The following TMEM245 variants were observed in gnomAD, a reference collection of about 807,000 sequenced individuals.
TMEM245 encodes the protein transmembrane protein 245, also known as protein CG-2.
A neutral mutation model predicts 101.2 loss-of-function variants in TMEM245; 69 were observed. That is an observed-to-expected ratio of 0.68 (90% confidence interval 0.56 to 0.83). The LOEUF (loss-of-function observed/expected upper bound fraction) is 0.83. Ranked by LOEUF, TMEM245 falls within the 40% of genes least tolerant of loss-of-function variation. TMEM245 has a pLI of 0.00. For synonymous variants in TMEM245, 537 were observed against 449.8 expected, an observed-to-expected ratio of 1.19 and a Z score of -2.45; for missense variants, 1,075 against 1,092.8, an observed-to-expected ratio of 0.98 and a Z score of 0.23.
At chr9:109,087,496 C>T (rs1246758213) in intron 5 of TMEM245, among the ~76,000 whole-genome samples, 154 bp from the exon 6 acceptor site, 1 of 152,160 alleles carries the variant, frequency 6.6e-6, no homozygotes, top group African/African-American at 2.4e-5. Flanking sequence ...ACTCAAAGTA[C>T]TCCCCACACA....
rs201854735 is a variant in TMEM245 at position 109,106,645 on chromosome 9, T to A, written c.698-36A>T. On this transcript the variant is annotated intron_variant, in intron 2 of 17. Coordinates refer to ENST00000374586, the MANE Select transcript of TMEM245 (RefSeq NM_032012.4). ...TTAAGAATTAACATTTTTAGTGAAA[T>A]AAAAACCTAGTACTTGTTTTTACAA... The A allele has an allele frequency of 1.2e-4, 176 of 1,489,824 alleles. 1 individual carries two copies. In the Middle Eastern group the frequency reaches 5.2e-3, roughly 44 times the overall value. 92.3% of individuals were successfully genotyped at this position (1,489,824 alleles called of 1,614,324 possible).
rs189050862 is a variant in TMEM245, at chr9:109,017,366, C to G, written c.*3094G>C. 1 of 152,260 alleles carries G rather than the reference C, an allele frequency of 6.6e-6. No individual in the cohort carries two copies. The highest frequency in any genetic ancestry group is 6.5e-5 in the Admixed American group (1 of 15,296). 9.4% of individuals were successfully genotyped at this position (152,260 alleles called of 1,614,324 possible). A position where few individuals can be genotyped will look rare whatever the true frequency, so the allele number is the denominator to read the frequency against. On this transcript the variant is annotated 3_prime_UTR_variant, in exon 18 of 18. Coordinates refer to ENST00000374586, the MANE Select transcript of TMEM245 (RefSeq NM_032012.4). Reference sequence around the variant, plus strand: ...TCAAAGAGGGTGTGAAGAAACCTTGCAATTTTAACAATAACTAAGACCAGC... The same window carrying G: ...TCAAAGAGGGTGTGAAGAAACCTTGGAATTTTAACAATAACTAAGACCAGC...
intron 10 of TMEM245, among the ~76,000 whole-genome samples, chr9:109,061,074 C>T (rs1828996913): frequency 1.3e-5 from 2 of 152,252 alleles, no homozygotes; most frequent in Middle Eastern, 3.4e-3. Context: ...TTCACACTTT[C>T]AGAGGCTGAG....
intron 17 of TMEM245, among the ~76,000 whole-genome samples, chr9:109,032,359 CT>C (rs1177093135): frequency 1.8e-5 from 1 of 54,714 alleles, no homozygotes; most frequent in African/African-American, 6.0e-5. Context: ...TGTCCTATTT[CT>C]TTTCCTTTTT....
Position 109,119,716 on chromosome 9 carries a change from G to A in TMEM245, c.198C>T (p.Cys66=), listed in dbSNP as rs1263212166. 3.2e-6 allele frequency: 5 copies of A among 1,547,618 alleles called. No individual in the cohort carries two copies. Among genetic ancestry groups the A allele is most frequent in the South Asian group, 2.4e-5 (2 of 84,000 alleles). ...NTGAVLFVCL[C]CGAAVLVYFI... ...AGTAGACCAGCACCGCGGCGCCGCA[G>A]CACAGGCACACGAACAGCACGGCCC... The change falls in exon 1 of 18, where the codon TGC becomes TGT. Residue 66 remains cysteine (C), a synonymous_variant. Coordinates refer to ENST00000374586, the MANE Select transcript of TMEM245 (RefSeq NM_032012.4).
chr9:109,023,970 G>C (rs1404964850), intron 17 of TMEM245, among the ~76,000 whole-genome samples: 1 of 151,998 alleles, frequency 6.6e-6, no homozygotes, highest in Admixed American at 6.5e-5. Flanking sequence ...GTCTCTCACT[G>C]TTCCTTGCTC....
chr9:109,048,328 T>C (rs1469262950), intron 14 of TMEM245, among the ~76,000 whole-genome samples: 1 of 152,176 alleles, frequency 6.6e-6, no homozygotes, highest in African/African-American at 2.4e-5. Context: ...TGCATCCTGT[T>C]TGAATGTAAC....
intron 9 of TMEM245, among the ~76,000 whole-genome samples, chr9:109,066,536 C>T (rs1167999844): frequency 1.4e-5 from 2 of 142,648 alleles, no homozygotes; most frequent in Non-Finnish European, 3.0e-5. Context: ...TAATAATTTA[C>T]AGTATAAGCA....
chr9:109,044,572 C>A (rs1341893970), intron 14 of TMEM245, among the ~76,000 whole-genome samples: 1 of 152,082 alleles, frequency 6.6e-6, no homozygotes, highest in African/African-American at 2.4e-5. Flanking sequence ...AGAAAGTGAG[C>A]TGGTGGGAGA....
Position 109,091,076 on chromosome 9 carries a change from T to C in TMEM245, c.996A>G (p.Ser332=), listed in dbSNP as rs1249009588. Residue 332 remains serine, a synonymous_variant, in exon 5 of 18, where the codon TCA becomes TCG. Coordinates refer to ENST00000374586, the MANE Select transcript of TMEM245 (RefSeq NM_032012.4). The part of the protein sequence containing the change: ...SPSSPSPTSP[S]PTLGRRRPEI... Reference sequence around the variant, plus strand: ...CAGGCCTTCGTCTGCCCAGAGTAGGTGAAGGGGAAGTGGGTGAAGGGGAGG... The same window carrying C: ...CAGGCCTTCGTCTGCCCAGAGTAGGCGAAGGGGAAGTGGGTGAAGGGGAGG... 6.2e-7 allele frequency: 1 copy of C among 1,613,836 alleles called. No individual in the cohort carries two copies. The highest frequency in any genetic ancestry group is 8.5e-7 in the Non-Finnish European group (1 of 1,179,956).
chr9:109,021,147 A>C (rs960063213), intron 17 of TMEM245, among the ~76,000 whole-genome samples: 2 of 152,214 alleles, frequency 1.3e-5, no homozygotes, highest in African/African-American at 4.8e-5. Flanking sequence ...GCATACATGA[A>C]GTGTCTATCT....
rs374269166 is a variant in TMEM245 at position 109,050,603 on chromosome 9, G to A, written c.1944C>T (p.Ser648=). The A allele has an allele frequency of 8.5e-5, 137 of 1,613,636 alleles. No individual in the cohort carries two copies. Among genetic ancestry groups the A allele is most frequent in the Admixed American group, 2.3e-4 (14 of 59,936 alleles). Residue 648 remains serine, a synonymous_variant, in exon 13 of 18, where the codon AGC becomes AGT. Coordinates refer to ENST00000374586, the MANE Select transcript of TMEM245 (RefSeq NM_032012.4). ...VTTLLTILFY[S]GTALLNFVLS... Reference sequence around the variant, plus strand: ...GTACAAAATTGAGAAGGGCTGTCCCGCTGTAGAAGAGGATGGTCAAGAGTG... The same window carrying A: ...GTACAAAATTGAGAAGGGCTGTCCCACTGTAGAAGAGGATGGTCAAGAGTG...
At chr9:109,061,052 T>C (rs962760634) in intron 10 of TMEM245, among the ~76,000 whole-genome samples, 7 of 152,144 alleles carry the variant, frequency 4.6e-5, no homozygotes, top group Non-Finnish European at 7.3e-5. Flanking sequence ...TATTATAATA[T>C]AAAAAACAAT....
At chr9:109,110,513 G>A (rs1395188946) in intron 1 of TMEM245, among the ~76,000 whole-genome samples, 1 of 151,932 alleles carries the variant, frequency 6.6e-6, no homozygotes, top group Non-Finnish European at 1.5e-5. Context: ...AAGCTGCTCA[G>A]ATTTTCACAA....
chr9:109,086,324 C>T (rs536236267), intron 6 of TMEM245, among the ~76,000 whole-genome samples: 1 of 152,202 alleles, frequency 6.6e-6, no homozygotes, highest in Non-Finnish European at 1.5e-5. Flanking sequence ...CTTTGCACTG[C>T]TCCGTCTGCT....
At chr9:109,097,325 G>C (rs1268952210) in intron 3 of TMEM245, among the ~76,000 whole-genome samples, 1 of 152,188 alleles carries the variant, frequency 6.6e-6, no homozygotes, top group Non-Finnish European at 1.5e-5. Flanking sequence ...AGAACTCTAG[G>C]AAGTTCAATA....
chr9:109,022,387 T>G (rs1407381343), intron 17 of TMEM245, among the ~76,000 whole-genome samples: 4 of 152,212 alleles, frequency 2.6e-5, no homozygotes, highest in Non-Finnish European at 5.9e-5. Context: ...GAAATGAATT[T>G]TCTTTCCTTA....
At chr9:109,023,400 C>T (rs1205899372) in intron 17 of TMEM245, among the ~76,000 whole-genome samples, 1 of 152,170 alleles carries the variant, frequency 6.6e-6, no homozygotes, top group Non-Finnish European at 1.5e-5. Context: ...TAACTCTCTA[C>T]GTTAGAAACA....
chr9:109,035,156 CAA>C (rs778574292), intron 16 of TMEM245, among the ~76,000 whole-genome samples: 10,046 of 49,762 alleles, frequency 0.2, 140 homozygotes, highest in African/African-American at 0.24. Context: ...GACTCTGTCT[CAA>C]AAAAAAAAAA....
Sources: allele counts gnomAD v4.1 joint callset (sites outside exome capture counted in the v4.1 genomes callset), GRCh38; gene constraint gnomAD v4.1.1; transcripts MANE v1.5; gene names NCBI Gene and HGNC (gene_info 2026-07-23, HGNC 2026-07-21).